The following FHOD3 variants were observed in gnomAD, a reference collection of about 807,000 sequenced individuals.
The protein encoded by FHOD3 is FH1/FH2 domain-containing protein 3.
Under a neutral mutation model 173.0 loss-of-function variants are expected in FHOD3, and 90 were observed. The ratio of observed to expected loss-of-function variants is 0.52; its 90% CI spans 0.44 to 0.62. The LOEUF (loss-of-function observed/expected upper bound fraction) is 0.62. Among genes scored for constraint, FHOD3 ranks in the 20% least tolerant of loss-of-function variants. FHOD3 has a pLI of 0.00. For missense variants in FHOD3, 1,945 were observed against 2,034.7 expected, an observed-to-expected ratio of 0.96 and a Z score of 0.85; for synonymous variants, 828 against 823.0, an observed-to-expected ratio of 1.01 and a Z score of -0.10.
intron 3 of FHOD3, among the ~76,000 whole-genome samples, chr18:36,378,338 A>G (rs988147439): frequency 1.6e-4 from 24 of 152,180 alleles, no homozygotes; most frequent in African/African-American, 2.7e-4. Flanking sequence ...TTTTCTAGGT[A>G]AGAATGAGCT....
intron 10 of FHOD3, among the ~76,000 whole-genome samples, chr18:36,646,400 AT>A (rs1317981763): frequency 4.6e-5 from 7 of 152,210 alleles, no homozygotes; most frequent in Non-Finnish European, 8.8e-5. Flanking sequence ...AATAAAGGCT[AT>A]ATATATCACA....
chr18:36,495,969 C>A (rs1295504392), intron 3 of FHOD3, among the ~76,000 whole-genome samples: 2 of 152,188 alleles, frequency 1.3e-5, no homozygotes, highest in African/African-American at 4.8e-5. Flanking sequence ...GGAAATGGAT[C>A]CAAGAGTGAT....
chr18:36,700,827 C>T (rs1488554803), intron 17 of FHOD3, among the ~76,000 whole-genome samples: 2 of 152,196 alleles, frequency 1.3e-5, no homozygotes, highest in Non-Finnish European at 2.9e-5. Flanking sequence ...CACACCAAAC[C>T]ACAGTCAGTA....
At chr18:36,405,014 T>C (rs1348444115) in intron 3 of FHOD3, among the ~76,000 whole-genome samples, 6 of 152,218 alleles carry the variant, frequency 3.9e-5, no homozygotes, top group Non-Finnish European at 8.8e-5. Context: ...CAGGTGATCC[T>C]ACCAGGTGAC....
intron 3 of FHOD3, among the ~76,000 whole-genome samples, chr18:36,461,843 T>C (rs1184052231): frequency 1.3e-5 from 2 of 152,150 alleles, no homozygotes; most frequent in Non-Finnish European, 2.9e-5. Flanking sequence ...GGAAAGAGTA[T>C]GGCACTAGGA....
intron 1 of FHOD3, among the ~76,000 whole-genome samples, chr18:36,315,213 G>A (rs1401147841): frequency 6.6e-6 from 1 of 152,216 alleles, no homozygotes; most frequent in African/African-American, 2.4e-5. Flanking sequence ...AGATACCTGT[G>A]CATAATGTGG....
intron 5 of FHOD3, among the ~76,000 whole-genome samples, chr18:36,522,524 C>T (rs2056324329): frequency 6.6e-6 from 1 of 152,162 alleles, no homozygotes; most frequent in Non-Finnish European, 1.5e-5. Context: ...AGATAAAATA[C>T]ATGCAAATAT....
At chr18:36,590,713 GC>G (rs1484850806) in intron 6 of FHOD3, among the ~76,000 whole-genome samples, 2 of 152,092 alleles carry the variant, frequency 1.3e-5, no homozygotes, top group African/African-American at 2.4e-5. Context: ...AAATTACAGT[GC>G]CAAAAAAGCT....
At chr18:36,608,966 C>G (rs964885646) in intron 8 of FHOD3, among the ~76,000 whole-genome samples, 19 of 152,232 alleles carry the variant, frequency 1.2e-4, no homozygotes, top group African/African-American at 4.6e-4. Context: ...TATGAACATT[C>G]ATGTACTGGC....
intron 17 of FHOD3, among the ~76,000 whole-genome samples, chr18:36,700,213 C>G (rs942197389): frequency 2.6e-5 from 4 of 152,066 alleles, no homozygotes; most frequent in Non-Finnish European, 5.9e-5. Flanking sequence ...GCCTTGAATC[C>G]CTGAGGTCTG....
chr18:36,519,868 T>A (rs548644278), intron 5 of FHOD3, among the ~76,000 whole-genome samples: 12 of 152,300 alleles, frequency 7.9e-5, no homozygotes, highest in African/African-American at 2.9e-4. Flanking sequence ...TTTTCCCTCT[T>A]ACTCTCTTCC....
chr18:36,316,880 CA>C (rs1209170167), intron 1 of FHOD3, among the ~76,000 whole-genome samples: 5 of 152,206 alleles, frequency 3.3e-5, no homozygotes, highest in Non-Finnish European at 7.4e-5. Context: ...ACAGCCCCCC[CA>C]CCCCCTGACA....
In FHOD3 at chr18:36,748,382, AACACACACACACACAC is replaced by A. The variant is rs532609709; in HGVS notation, c.4232+1268_4232+1283del. Among the ~76,000 whole-genome samples, 452 of 143,572 alleles carry A rather than the reference AACACACACACACACAC, an allele frequency of 3.1e-3. 3 individuals carry two copies. Among genetic ancestry groups the A allele is most frequent in the African/African-American group, 0.01 (391 of 38,620 alleles). 94.2% of individuals were successfully genotyped at this position (143,572 alleles called of 152,430 possible). On this transcript the variant is annotated intron_variant, in intron 24 of 28. Coordinates refer to ENST00000590592, the MANE Select transcript of FHOD3 (RefSeq NM_001281740.3). Reference sequence around the variant, plus strand: ...CGCACGCGCACACACACACACACACAACACACACACACACACACACACACACACACACACACGGAGA... The same window carrying A: ...CGCACGCGCACACACACACACACACAACACACACACACACACACACGGAGA...
intron 3 of FHOD3, among the ~76,000 whole-genome samples, chr18:36,442,900 C>T (rs2143850871): frequency 6.6e-6 from 1 of 152,252 alleles, no homozygotes; most frequent in East Asian, 1.9e-4. Context: ...GTGGCAGTTC[C>T]TCAGTCTTTT....
chr18:36,475,747 A>AACACACAC (rs2053530493), intron 3 of FHOD3, among the ~76,000 whole-genome samples: 1 of 119,862 alleles, frequency 8.3e-6, no homozygotes, highest in Admixed American at 9.3e-5. Flanking sequence ...CATATATAGA[A>AACACACAC]ACATACACAC....
intron 1 of FHOD3, among the ~76,000 whole-genome samples, chr18:36,301,689 G>A (rs565587669): frequency 3.2e-4 from 48 of 152,304 alleles, no homozygotes; most frequent in African/African-American, 1.1e-3. Context: ...CTCTGCAGTA[G>A]CATTCATAGA....
chr18:36,510,357 G>A (rs993442572), intron 4 of FHOD3, among the ~76,000 whole-genome samples: 3 of 152,116 alleles, frequency 2.0e-5, no homozygotes, highest in African/African-American at 7.2e-5. Flanking sequence ...TTGCCAATTT[G>A]GAAGATTTTT....
chr18:36,596,223 C>T (rs908097877), intron 7 of FHOD3, among the ~76,000 whole-genome samples: 2 of 151,202 alleles, frequency 1.3e-5, no homozygotes, highest in Admixed American at 6.6e-5. Flanking sequence ...GGCGCGATCT[C>T]GGCTCACTGC....
chr18:36,746,984 G>A lies in FHOD3; in HGVS notation c.4081G>A (p.Glu1361Lys). The A allele has an allele frequency of 6.2e-7, 1 of 1,612,954 alleles. No individual in the cohort carries two copies. Among genetic ancestry groups the A allele is most frequent in the South Asian group, 1.1e-5 (1 of 90,726 alleles). ...DQLQDNLCQM[E>K]RRCKASWDHL... ...ACTTCAGGATAATTTATGTCAGATGGAGAGAAGATGCAAAGCTTCATGGGA... is the reference window on the plus strand; with the variant it reads ...ACTTCAGGATAATTTATGTCAGATGAAGAGAAGATGCAAAGCTTCATGGGA... Residue 1361 changes from glutamate (E) to lysine (K), a missense_variant, in exon 24 of 29, where the codon GAG (glutamate) becomes AAG (lysine). Around this residue, in one of 5 missense-constraint regions of FHOD3, gnomAD observed 354 missense variants for 359.9 expected, o/e 0.98. Coordinates refer to ENST00000590592, the MANE Select transcript of FHOD3 (RefSeq NM_001281740.3).
Sources: allele counts gnomAD v4.1 joint callset (sites outside exome capture counted in the v4.1 genomes callset), GRCh38; gene constraint gnomAD v4.1.1; regional missense constraint gnomAD v4.1.1; transcripts MANE v1.5; gene names NCBI Gene and HGNC (gene_info 2026-07-23, HGNC 2026-07-21).